Variants in CAMK2D observed in about 807,000 individuals in gnomAD.
CAMK2D encodes the protein calcium/calmodulin-dependent protein kinase type II subunit delta.
A neutral mutation model predicts 84.0 loss-of-function variants in CAMK2D; 37 were observed. The observed-to-expected ratio is 0.44, with a 90% CI of 0.34 to 0.58. CAMK2D has a LOEUF of 0.58. Among genes scored for constraint, CAMK2D ranks in the 20% least tolerant of loss-of-function variants. CAMK2D has a pLI of 0.02. For missense variants in CAMK2D, 448 were observed against 652.5 expected (o/e 0.69, Z 3.41); for synonymous variants, 202 against 212.5 (o/e 0.95, Z 0.43).
intron 2 of CAMK2D, among the ~76,000 whole-genome samples, chr4:113,703,665 T>C (rs2154349897): frequency 6.6e-6 from 1 of 152,326 alleles, no homozygotes; most frequent in Non-Finnish European, 1.5e-5. Context: ...TTCAATGCAC[T>C]GTTGATTCTT....
chr4:113,722,984 C>T (rs1480736473), intron 2 of CAMK2D, among the ~76,000 whole-genome samples: 1 of 152,124 alleles, frequency 6.6e-6, no homozygotes, highest in Non-Finnish European at 1.5e-5. Context: ...GGGGAAGAAT[C>T]TCTTTCTCTA....
chr4:113,503,665 C>G (rs1377611482), intron 14 of CAMK2D, among the ~76,000 whole-genome samples: 1 of 152,136 alleles, frequency 6.6e-6, no homozygotes, highest in Non-Finnish European at 1.5e-5. Flanking sequence ...TAATTCATAT[C>G]TAAAAAACTT....
chr4:113,721,338 C>G (rs2099529889), intron 2 of CAMK2D, among the ~76,000 whole-genome samples: 1 of 152,126 alleles, frequency 6.6e-6, no homozygotes, highest in Non-Finnish European at 1.5e-5. Flanking sequence ...CAGATTTACT[C>G]TTCTAATTCA....
chr4:113,572,296 T>C (rs2098757332), intron 4 of CAMK2D, among the ~76,000 whole-genome samples: 1 of 152,102 alleles, frequency 6.6e-6, no homozygotes, highest in African/African-American at 2.4e-5. Flanking sequence ...TGATTGACCT[T>C]CAATCATTAT....
chr4:113,497,465 T>A (rs1240663736), intron 16 of CAMK2D, among the ~76,000 whole-genome samples: 1 of 152,238 alleles, frequency 6.6e-6, no homozygotes, highest in Non-Finnish European at 1.5e-5. Flanking sequence ...CTTGGCTTTC[T>A]AAGGTGCTCC....
chr4:113,551,577 T>G (rs1018859147), intron 5 of CAMK2D, among the ~76,000 whole-genome samples: 2 of 152,226 alleles, frequency 1.3e-5, no homozygotes, highest in African/African-American at 4.8e-5. Context: ...TACTAGACAC[T>G]TGTGGCTACT....
In CAMK2D at chr4:113,460,017, C is replaced by G. The variant is rs1214223958; in HGVS notation, c.1306+130G>C. 5 of 663,160 alleles carry G rather than the reference C, an allele frequency of 7.5e-6. No individual in the cohort carries two copies. In the East Asian group the frequency reaches 1.3e-4, roughly 18 times the overall value. The allele number at this position is 663,160 out of a possible 1,614,324, so 41.1% of individuals were successfully genotyped here. ...TTTTTTTCAATTTTGAATACAAAAC[C>G]ATTGTATGGTTTCAAATGCTGGATG... On this transcript the variant is annotated intron_variant, in intron 18 of 20. Transcript: ENST00000511664.
chr4:113,538,514 C>T (rs1351890558), intron 6 of CAMK2D, among the ~76,000 whole-genome samples: 3 of 152,074 alleles, frequency 2.0e-5, no homozygotes, highest in Non-Finnish European at 4.4e-5. Flanking sequence ...GTGTCTCAGA[C>T]TGAAAAAAGT....
intron 2 of CAMK2D, among the ~76,000 whole-genome samples, chr4:113,715,681 AT>A (rs904878816): frequency 1.3e-5 from 2 of 152,176 alleles, no homozygotes; most frequent in African/African-American, 4.8e-5. Context: ...AATTCACAAT[AT>A]ATGTCATTAG....
intron 5 of CAMK2D, among the ~76,000 whole-genome samples, chr4:113,549,171 T>TA (rs1395877948): frequency 1.3e-5 from 2 of 152,006 alleles, no homozygotes; most frequent in Non-Finnish European, 2.9e-5. Flanking sequence ...AACAAGAGGG[T>TA]AAACACAGAT....
intron 2 of CAMK2D, among the ~76,000 whole-genome samples, chr4:113,702,780 C>A (rs1415688982): frequency 2.0e-5 from 3 of 152,052 alleles, no homozygotes; most frequent in Admixed American, 2.0e-4. Flanking sequence ...TGGTGGTATG[C>A]ACCTGTAATC....
At chr4:113,646,985 C>T (rs994006908) in intron 3 of CAMK2D, among the ~76,000 whole-genome samples, 4 of 152,106 alleles carry the variant, frequency 2.6e-5, no homozygotes, top group African/African-American at 7.2e-5. Flanking sequence ...TCTAGTTTAC[C>T]GAAAAACCTC....
At chr4:113,635,772 C>T (rs916154042) in intron 3 of CAMK2D, among the ~76,000 whole-genome samples, 2 of 152,082 alleles carry the variant, frequency 1.3e-5, no homozygotes, top group Non-Finnish European at 2.9e-5. Context: ...GGGTAATCTG[C>T]ATTTATGGTA....
At chr4:113,717,564 C>G (rs770137533) in intron 2 of CAMK2D, among the ~76,000 whole-genome samples, 18 of 151,848 alleles carry the variant, frequency 1.2e-4, no homozygotes. Flanking sequence ...ATCTTTATCT[C>G]CAAAAGTGAG....
At position 113,596,614 on chromosome 4, in the gene CAMK2D, G is replaced by A. The variant is rs76164397; in HGVS notation, c.275+12538C>T. On this transcript the variant is annotated intron_variant, in intron 4 of 20. Transcript: ENST00000511664. ...CATCTCTTTGTACATCTCCGTCAGAGCTCTTGGGCAACTAGGTCAATTGTC... is the reference window on the plus strand; with the variant it reads ...CATCTCTTTGTACATCTCCGTCAGAACTCTTGGGCAACTAGGTCAATTGTC... Among the ~76,000 whole-genome samples the A allele has an allele frequency of 7.7e-3, 1,177 of 152,252 alleles. 17 individuals carry two copies. Among genetic ancestry groups the A allele is most frequent in the African/African-American group, 0.026 (1,099 of 41,520 alleles).
At chr4:113,669,586 A>G (rs2099271556) in intron 2 of CAMK2D, among the ~76,000 whole-genome samples, 1 of 152,168 alleles carries the variant, frequency 6.6e-6, no homozygotes, top group Non-Finnish European at 1.5e-5. Context: ...GCTCTACCTG[A>G]CATTAGCGAT....
At chr4:113,639,171 A>C in intron 3 of CAMK2D, among the ~76,000 whole-genome samples, 1 of 151,712 alleles carries the variant, frequency 6.6e-6, no homozygotes, top group African/African-American at 2.4e-5. Context: ...GAGCCCATGA[A>C]TTTGAGGCTA....
intron 8 of CAMK2D, among the ~76,000 whole-genome samples, chr4:113,526,905 CT>C (rs34934229): frequency 0.37 from 50,635 of 136,904 alleles, 9,656 homozygotes; most frequent in African/African-American, 0.5. Context: ...TTTTACTGTG[CT>C]TTTTTTTTTT....
At chr4:113,584,882 C>A (rs2154246133) in intron 4 of CAMK2D, among the ~76,000 whole-genome samples, 1 of 152,218 alleles carries the variant, frequency 6.6e-6, no homozygotes, top group East Asian at 1.9e-4. Context: ...TTTTCTGGTT[C>A]TTTACGTATT....
Sources: allele counts gnomAD v4.1 joint callset (sites outside exome capture counted in the v4.1 genomes callset), GRCh38; gene constraint gnomAD v4.1.1; transcripts MANE v1.5; gene names NCBI Gene and HGNC (gene_info 2026-07-23, HGNC 2026-07-21).